Variants in BMP6 observed in about 807,000 individuals in gnomAD.
The protein encoded by BMP6 is VG-1-R.
Under a neutral mutation model 54.1 loss-of-function variants are expected in BMP6, and 17 were observed. The observed-to-expected ratio is 0.31, with a 90% CI of 0.22 to 0.47. The LOEUF is 0.47. Among genes scored for constraint, BMP6 ranks in the 20% least tolerant of loss-of-function variants. The pLI, the probability that BMP6 is intolerant of heterozygous loss-of-function variation, is 1.00. For synonymous variants in BMP6, 328 were observed against 291.2 expected (o/e 1.13, Z -1.28); for missense variants, 720 against 690.4 (o/e 1.04, Z -0.48).
chr6:7,781,005 C>T (rs191995342), intron 1 of BMP6, among the ~76,000 whole-genome samples: 4 of 152,298 alleles, frequency 2.6e-5, no homozygotes, highest in Non-Finnish European at 4.4e-5. Context: ...GCCACTGCGC[C>T]CAGCTAACAA....
At chr6:7,848,918 T>A (rs1381745201) in intron 2 of BMP6, among the ~76,000 whole-genome samples, 1 of 152,220 alleles carries the variant, frequency 6.6e-6, no homozygotes, top group African/African-American at 2.4e-5. Context: ...CCTTCTCTTA[T>A]ATTTTCTCAT....
chr6:7,872,809 T>C (rs1759549640), intron 4 of BMP6, among the ~76,000 whole-genome samples: 3 of 119,588 alleles, frequency 2.5e-5, no homozygotes, highest in Admixed American at 9.3e-5. Flanking sequence ...CAATTCTTTT[T>C]TTTTCTTTTT....
At chr6:7,879,847 A>G (rs1759684015) in intron 5 of BMP6, 144 bp from the exon 6 acceptor site, 1 of 847,398 alleles carries the variant, frequency 1.2e-6, no homozygotes, top group Admixed American at 2.3e-5. Context: ...TTGAATGTGA[A>G]CTTGGACAAA....
intron 1 of BMP6, among the ~76,000 whole-genome samples, chr6:7,745,084 G>A (rs1185140719): frequency 9.2e-5 from 14 of 152,098 alleles, no homozygotes; most frequent in Admixed American, 9.2e-4. Flanking sequence ...GGATCGTATT[G>A]GCCATTGCCA....
intron 1 of BMP6, among the ~76,000 whole-genome samples, chr6:7,838,815 G>A (rs1000127981): frequency 9.2e-5 from 14 of 152,088 alleles, no homozygotes; most frequent in Admixed American, 6.5e-4. Context: ...GGTGGCAGGC[G>A]CCTGGAGTCC....
At chr6:7,737,640 T>C (rs1186873426) in intron 1 of BMP6, among the ~76,000 whole-genome samples, 1 of 152,174 alleles carries the variant, frequency 6.6e-6, no homozygotes, top group Non-Finnish European at 1.5e-5. Flanking sequence ...TTTCCCTTTT[T>C]TTTTTTCTCT....
At chr6:7,731,894 C>T (rs1334425096) in intron 1 of BMP6, among the ~76,000 whole-genome samples, 1 of 152,040 alleles carries the variant, frequency 6.6e-6, no homozygotes, top group Admixed American at 6.6e-5. Flanking sequence ...TATTTGAATT[C>T]ACGAGGTATT....
intron 1 of BMP6, among the ~76,000 whole-genome samples, chr6:7,834,928 G>T (rs1207789678): frequency 6.6e-6 from 1 of 152,198 alleles, no homozygotes; most frequent in Admixed American, 6.5e-5. Context: ...TGAGTGACTG[G>T]CTGAGAATTT....
intron 1 of BMP6, among the ~76,000 whole-genome samples, chr6:7,745,387 C>T (rs1342164462): frequency 6.6e-6 from 1 of 152,214 alleles, no homozygotes; most frequent in Non-Finnish European, 1.5e-5. Flanking sequence ...GATCCTCCCA[C>T]CCTAGCCTCC....
chr6:7,808,490 G>T (rs1008528108), intron 1 of BMP6, among the ~76,000 whole-genome samples: 3 of 152,168 alleles, frequency 2.0e-5, no homozygotes, highest in Admixed American at 6.5e-5. Context: ...TGCCAGTTCT[G>T]AATTGTCCAT....
At chr6:7,727,660 C>T (rs773654766) in intron 1 of BMP6, 41 bp downstream of exon 1, 40 of 1,472,942 alleles carry the variant, frequency 2.7e-5, no homozygotes, top group Non-Finnish European at 3.4e-5. Flanking sequence ...ACATTTCCCC[C>T]TTTTCAGTGT....
chr6:7,775,753 G>A (rs1433471979), intron 1 of BMP6, among the ~76,000 whole-genome samples: 3 of 152,170 alleles, frequency 2.0e-5, no homozygotes, highest in Non-Finnish European at 4.4e-5. Flanking sequence ...GGTCAGGTTA[G>A]TTCTTCTTGA....
chr6:7,836,642 A>C lies in BMP6; in HGVS notation c.665-8498A>C, dbSNP rs140885478. ...GGACTTTAATTATTTACAACACAAA[A>C]TAAAGTTTAAAAATGTCATTTGGAG... is the stretch of plus-strand genomic sequence containing the variant. On this transcript the variant is annotated intron_variant, in intron 1 of 6. Coordinates refer to ENST00000283147, the MANE Select transcript of BMP6 (RefSeq NM_001718.6). Among the ~76,000 whole-genome samples the C allele has an allele frequency of 4.7e-4, 71 of 152,334 alleles. No homozygotes were observed. The East Asian group carries it at 0.012, about 26-fold the overall frequency.
At chr6:7,879,001 ACT>A (rs528564381) in intron 4 of BMP6, 71 bp from the exon 5 acceptor site, 271 of 1,462,586 alleles carry the variant, frequency 1.9e-4, no homozygotes, top group Non-Finnish European at 2.4e-4. Context: ...CATGTGGTAA[ACT>A]CTCTATGAAG....
chr6:7,768,508 G>A (rs571091152), intron 1 of BMP6, among the ~76,000 whole-genome samples: 1 of 152,260 alleles, frequency 6.6e-6, no homozygotes, highest in Non-Finnish European at 1.5e-5. Flanking sequence ...TTGCTTCTAT[G>A]TCCCAAGGCT....
chr6:7,736,030 T>TC (rs2113109738), intron 1 of BMP6, among the ~76,000 whole-genome samples: 2 of 152,360 alleles, frequency 1.3e-5, no homozygotes, highest in African/African-American at 4.8e-5. Flanking sequence ...ACTAAAGTGG[T>TC]CCCTAAGGAA....
At chr6:7,825,919 A>G (rs546724872) in intron 1 of BMP6, among the ~76,000 whole-genome samples, 4 of 152,260 alleles carry the variant, frequency 2.6e-5, no homozygotes, top group East Asian at 1.9e-4. Flanking sequence ...GCAGGGACAC[A>G]CTACAGCAAA....
At chr6:7,804,444 A>G (rs1056212175) in intron 1 of BMP6, among the ~76,000 whole-genome samples, 13 of 152,118 alleles carry the variant, frequency 8.5e-5, no homozygotes, top group African/African-American at 2.9e-4. Context: ...TGGTTTATAC[A>G]TAGTGATTGT....
intron 2 of BMP6, among the ~76,000 whole-genome samples, chr6:7,849,098 G>A (rs982411735): frequency 1.3e-5 from 2 of 152,132 alleles, no homozygotes; most frequent in African/African-American, 4.8e-5. Flanking sequence ...AGATAAAGAC[G>A]AAGTACCGGA....
Sources: gnomAD v4.1 joint callset for allele counts (sites outside exome capture counted in the v4.1 genomes callset) on GRCh38, gnomAD v4.1.1 for gene constraint, MANE v1.5 for transcripts, NCBI Gene and HGNC (gene_info 2026-07-23, HGNC 2026-07-21) for gene names.